ADAMTSL3: variants seen among roughly 807,000 people sequenced by gnomAD.
ADAMTSL3 encodes ADAMTS-like protein 3.
ADAMTSL3 carries 128 observed loss-of-function variants against 201.7 expected under a neutral mutation model. The ratio of observed to expected loss-of-function variants is 0.63; its 90% CI spans 0.55 to 0.73. The LOEUF is 0.73. Among genes scored for constraint, ADAMTSL3 ranks in the 30% least tolerant of loss-of-function variants. The pLI is 0.00. For synonymous variants in ADAMTSL3, 738 were observed against 748.4 expected, an observed-to-expected ratio of 0.99 and a Z score of 0.23; for missense variants, 1,990 against 2,119.6, an observed-to-expected ratio of 0.94 and a Z score of 1.20.
At chr15:83,745,121 A>T (rs1337669400) in intron 3 of ADAMTSL3, among the ~76,000 whole-genome samples, 5 of 152,224 alleles carry the variant, frequency 3.3e-5, no homozygotes, top group Non-Finnish European at 1.5e-5. Context: ...CATCAGAGAG[A>T]AGCGGCTTGA....
intron 4 of ADAMTSL3, among the ~76,000 whole-genome samples, chr15:83,774,497 C>A (rs1015551249): frequency 3.9e-5 from 6 of 152,152 alleles, no homozygotes; most frequent in Non-Finnish European, 8.8e-5. Flanking sequence ...CAGAGCAGGG[C>A]AGATGAGAGA....
At position 83,873,411 on chromosome 15, in the gene ADAMTSL3, G is replaced by A. The variant is rs950637240; in HGVS notation, c.960+2452G>A. On this transcript the variant is annotated intron_variant, in intron 9 of 29. Transcript: ENST00000286744. Reference sequence around the variant, plus strand: ...AATTTGAATTCATTTTTATACCATTGGTTTTTTTTGTTTGTTTGTTTTTGA... The same window carrying A: ...AATTTGAATTCATTTTTATACCATTAGTTTTTTTTGTTTGTTTGTTTTTGA... Among the ~76,000 whole-genome samples, 4 of 145,462 alleles carry A rather than the reference G, an allele frequency of 2.7e-5. 1 individual carries two copies. Among genetic ancestry groups the A allele is most frequent in the African/African-American group, 1.0e-4 (4 of 38,122 alleles).
intron 25 of ADAMTSL3, 50 bp downstream of exon 25, chr15:84,016,549 G>A (rs1386295759): frequency 6.9e-7 from 1 of 1,446,178 alleles, no homozygotes; most frequent in South Asian, 1.2e-5. Flanking sequence ...GCATGTGTAA[G>A]GAAAAGGATT....
At chr15:83,867,967 C>A (rs2065009892) in intron 8 of ADAMTSL3, among the ~76,000 whole-genome samples, 1 of 152,170 alleles carries the variant, frequency 6.6e-6, no homozygotes. Flanking sequence ...TTTTGGGATA[C>A]AAGAAAGTCT....
At chr15:83,964,915 C>G (rs754914356) in intron 19 of ADAMTSL3, among the ~76,000 whole-genome samples, 1 of 152,152 alleles carries the variant, frequency 6.6e-6, no homozygotes, top group Non-Finnish European at 1.5e-5. Flanking sequence ...TCATATCCAG[C>G]CAACCTAAGC....
chr15:83,827,240 T>C (rs1446584156), intron 6 of ADAMTSL3, among the ~76,000 whole-genome samples: 1 of 152,238 alleles, frequency 6.6e-6, no homozygotes, highest in East Asian at 1.9e-4. Context: ...GTGGTTTTGA[T>C]TTCATTTCTC....
chr15:83,813,482 AG>A (rs1462309282), intron 5 of ADAMTSL3, among the ~76,000 whole-genome samples: 2 of 152,236 alleles, frequency 1.3e-5, no homozygotes, highest in African/African-American at 4.8e-5. Flanking sequence ...TAGTTGTAAT[AG>A]GGACATGCAT....
chr15:83,779,621 C>G (rs1455805349), intron 4 of ADAMTSL3, among the ~76,000 whole-genome samples: 1 of 145,646 alleles, frequency 6.9e-6, no homozygotes, highest in African/African-American at 2.6e-5. Context: ...TGGTGTGAAC[C>G]TGGGAGGCAG....
chr15:83,821,187 C>G (rs968767640), intron 6 of ADAMTSL3, among the ~76,000 whole-genome samples: 5 of 149,834 alleles, frequency 3.3e-5, no homozygotes, highest in African/African-American at 1.2e-4. Flanking sequence ...TTTTTTTTTT[C>G]CAAATGTGAG....
At chr15:83,832,678 C>A (rs2064180652) in intron 6 of ADAMTSL3, among the ~76,000 whole-genome samples, 1 of 151,962 alleles carries the variant, frequency 6.6e-6, no homozygotes, top group South Asian at 2.1e-4. Flanking sequence ...GTGATTCTTT[C>A]TGCTTGCCCC....
intron 17 of ADAMTSL3, among the ~76,000 whole-genome samples, chr15:83,929,929 G>A (rs904931600): frequency 4.6e-5 from 7 of 151,994 alleles, no homozygotes; most frequent in African/African-American, 7.2e-5. Context: ...AGAGACCTTC[G>A]CTACTATGAC....
chr15:83,951,003 C>CTT (rs75663059), intron 19 of ADAMTSL3, among the ~76,000 whole-genome samples: 2 of 133,482 alleles, frequency 1.5e-5, no homozygotes, highest in East Asian at 2.1e-4. Flanking sequence ...CTTTTCTTTT[C>CTT]TTTTTTTTTT....
At chr15:83,971,878 ATATATATATGTCTTT>A (rs1294117750) in intron 20 of ADAMTSL3, among the ~76,000 whole-genome samples, 1 of 148,554 alleles carries the variant, frequency 6.7e-6, no homozygotes, top group African/African-American at 2.4e-5. Context: ...GAAAACATAT[ATATATATATGTCTTT>A]TATATATATG....
At chr15:83,733,777 G>A (rs2062323504) in intron 3 of ADAMTSL3, among the ~76,000 whole-genome samples, 1 of 152,046 alleles carries the variant, frequency 6.6e-6, no homozygotes, top group Non-Finnish European at 1.5e-5. Flanking sequence ...CATAAAATAG[G>A]GGACATGATC....
intron 5 of ADAMTSL3, among the ~76,000 whole-genome samples, chr15:83,816,147 C>G (rs1211602897): frequency 3.3e-5 from 5 of 152,232 alleles, no homozygotes; most frequent in Admixed American, 2.6e-4. Context: ...AGTTTACTGT[C>G]TTTCCTCCTC....
chr15:83,871,439 A>G lies in ADAMTSL3; in HGVS notation c.960+480A>G, dbSNP rs149673820. Among the ~76,000 whole-genome samples the G allele has an allele frequency of 3.5e-3, 530 of 152,342 alleles. 3 individuals carry two copies. Among genetic ancestry groups the G allele is most frequent in the African/African-American group, 0.012 (502 of 41,592 alleles). On this transcript the variant is annotated intron_variant, in intron 9 of 29. Coordinates refer to ENST00000286744, the MANE Select transcript of ADAMTSL3 (RefSeq NM_207517.3). ...TCCTAAACCAGTATTGTGCCGCTGCATGTCTTCTTGCAAAGGAGAGCAGAG... is the reference window on the plus strand; with the variant it reads ...TCCTAAACCAGTATTGTGCCGCTGCGTGTCTTCTTGCAAAGGAGAGCAGAG...
chr15:83,739,943 G>C (rs562550197), intron 3 of ADAMTSL3: 1 of 548,696 alleles, frequency 1.8e-6, no homozygotes, highest in Non-Finnish European at 3.7e-6. Flanking sequence ...ACCTTCTTCA[G>C]TGAGATGGGT....
chr15:83,978,830 C>A (rs1410524618), intron 20 of ADAMTSL3, among the ~76,000 whole-genome samples: 1 of 152,256 alleles, frequency 6.6e-6, no homozygotes, highest in Non-Finnish European at 1.5e-5. Flanking sequence ...GGCCTGCCTT[C>A]CAGTAAATGG....
intron 19 of ADAMTSL3, among the ~76,000 whole-genome samples, chr15:83,956,585 A>T (rs780475047): frequency 6.6e-6 from 1 of 152,126 alleles, no homozygotes; most frequent in Non-Finnish European, 1.5e-5. Flanking sequence ...GTTTACTCTT[A>T]TATTATGACC....
Sources: gnomAD v4.1 joint callset for allele counts (sites outside exome capture counted in the v4.1 genomes callset) on GRCh38, gnomAD v4.1.1 for gene constraint, MANE v1.5 for transcripts, NCBI Gene and HGNC (gene_info 2026-07-23, HGNC 2026-07-21) for gene names.